VPS13A: variants seen among roughly 807,000 people sequenced by gnomAD.
VPS13A encodes vacuolar protein sorting 13 homolog A.
A neutral mutation model predicts 390.9 loss-of-function variants in VPS13A; 264 were observed. That is an observed-to-expected ratio of 0.68 (90% CI 0.61 to 0.75). VPS13A has a LOEUF of 0.75. Among genes scored for constraint, VPS13A ranks in the 30% least tolerant of loss-of-function variants. VPS13A has a pLI of 0.00. For missense variants in VPS13A, 3,409 were observed against 3,733.9 expected, an observed-to-expected ratio of 0.91 and a Z score of 2.27; for synonymous variants, 1,231 against 1,227.1, an observed-to-expected ratio of 1.00 and a Z score of -0.07.
At chr9:77,406,598 G>A (rs1229241160) in intron 70 of VPS13A, among the ~76,000 whole-genome samples, 1 of 151,888 alleles carries the variant, frequency 6.6e-6, no homozygotes, top group Non-Finnish European at 1.5e-5. Flanking sequence ...TGTATTTTTA[G>A]TACAGACGGT....
chr9:77,383,076 T>C (rs1466010621), intron 68 of VPS13A: 3 of 951,240 alleles, frequency 3.2e-6, no homozygotes, highest in Non-Finnish European at 2.5e-6. Flanking sequence ...ATATGAAGCT[T>C]CCTTTATGGC....
Position 77,358,392 on chromosome 9 carries a change from T to A in VPS13A, c.7989T>A (p.Phe2663Leu). The change falls in exon 57 of 72, where the codon TTT becomes TTA. Residue 2663 changes from phenylalanine (F) to leucine (L), a missense_variant. Phe to Leu is a conservative substitution (Grantham distance 22, BLOSUM62 0). Transcript: ENST00000360280. ...QNQIHGAVFP[F>L]VFYPVKPPKS... The stretch of plus-strand genomic sequence containing the variant: ...AGATACATGGTGCTGTATTTCCCTT[T>A]GTGTTTTATCCTGTTAAACCTCCAA... 3 of 1,613,750 alleles carry A rather than the reference T, an allele frequency of 1.9e-6. No homozygotes were observed. Among genetic ancestry groups the A allele is most frequent in the Non-Finnish European group, 2.5e-6 (3 of 1,179,970 alleles).
At chr9:77,275,269 T>G (rs1477553275) in intron 24 of VPS13A, among the ~76,000 whole-genome samples, 4 of 152,178 alleles carry the variant, frequency 2.6e-5, no homozygotes, top group Non-Finnish European at 4.4e-5. Context: ...GTTCCATGCT[T>G]CTTTATAACC....
Position 77,420,237 on chromosome 9 carries a change from CTT to C in VPS13A, c.*4234_*4235del, listed in dbSNP as rs1468356615. 2 of 152,174 alleles carry C rather than the reference CTT, an allele frequency of 1.3e-5. No individual in the cohort carries two copies. Among genetic ancestry groups the C allele is most frequent in the African/African-American group, 2.4e-5 (1 of 41,432 alleles). The allele number at this position is 152,174 out of a possible 1,614,324, so 9.4% of individuals were successfully genotyped here. A position where few individuals can be genotyped will look rare whatever the true frequency, so the allele number is the denominator to read the frequency against. ...TGGCCACTCTGGCTGTTACAGCAAA[CTT>C]TTCTCCCACTGTCATAATTGGTCTA... is the stretch of plus-strand genomic sequence containing the variant. On this transcript the variant is annotated 3_prime_UTR_variant, in exon 72 of 72. Transcript: ENST00000360280.
chr9:77,302,077 C>A (rs1178937115), intron 33 of VPS13A, among the ~76,000 whole-genome samples: 3 of 151,954 alleles, frequency 2.0e-5, no homozygotes, highest in Non-Finnish European at 4.4e-5. Context: ...TCTGCCTCAG[C>A]CTCTCAAGTA....
intron 17 of VPS13A, among the ~76,000 whole-genome samples, chr9:77,235,029 T>C (rs1261111500): frequency 6.6e-6 from 1 of 152,202 alleles, no homozygotes; most frequent in East Asian, 1.9e-4. Context: ...TTTATATTTG[T>C]TTTTATGTGT....
rs569581419 is a variant in VPS13A, at chr9:77,248,825, G to A, written c.2038-1272G>A. ...CAGCTCACTGCAACCTCTGCCTCCC[G>A]AGTTCAAGTGATTCTTCTGCCTCAG... is the stretch of plus-strand genomic sequence containing the variant. On this transcript the variant is annotated intron_variant, in intron 20 of 71. Coordinates refer to ENST00000360280, the MANE Select transcript of VPS13A (RefSeq NM_033305.3). Among the ~76,000 whole-genome samples, 8 of 152,122 alleles carry A rather than the reference G, an allele frequency of 5.3e-5. No homozygotes were observed. The South Asian group carries it at 8.3e-4, about 16-fold the overall frequency.
At chr9:77,187,792 T>C (rs1216964018) in intron 1 of VPS13A, among the ~76,000 whole-genome samples, 1 of 152,164 alleles carries the variant, frequency 6.6e-6, no homozygotes, top group African/African-American at 2.4e-5. Flanking sequence ...GGGTTTGATG[T>C]ATAAATTATT....
chr9:77,317,317 A>G (rs1829454981), intron 39 of VPS13A, among the ~76,000 whole-genome samples: 1 of 152,068 alleles, frequency 6.6e-6, no homozygotes, highest in Middle Eastern at 3.4e-3. Context: ...TGGCTTGAAT[A>G]TAGCTGTATG....
At position 77,281,611 on chromosome 9, in the gene VPS13A, A is replaced by G. The variant is rs187087480; in HGVS notation, c.2905-256A>G. ...ATAATATCCAACATTTCCTCTCTTA[A>G]TAATAAGAATGATAGTACGTAACAT... On this transcript the variant is annotated intron_variant, in intron 27 of 71. Transcript: ENST00000360280. 4.1e-3 allele frequency among the ~76,000 whole-genome samples: 619 copies of G among 152,176 alleles called. 4 individuals carry two copies. Among genetic ancestry groups the G allele is most frequent in the Non-Finnish European group, 7.3e-3 (496 of 67,960 alleles).
chr9:77,401,240 TC>T (rs1834378184), intron 68 of VPS13A, among the ~76,000 whole-genome samples: 1 of 152,096 alleles, frequency 6.6e-6, no homozygotes, highest in South Asian at 2.1e-4. Context: ...CACATATTTT[TC>T]CTAGCTACAT....
intron 1 of VPS13A, among the ~76,000 whole-genome samples, chr9:77,187,040 G>A (rs930514922): frequency 3.3e-5 from 5 of 152,208 alleles, no homozygotes; most frequent in Admixed American, 1.3e-4. Context: ...GTGCATCCGT[G>A]TTGTAGGAAA....
intron 54 of VPS13A, among the ~76,000 whole-genome samples, chr9:77,356,189 T>A (rs1563954197): frequency 6.6e-6 from 1 of 152,200 alleles, no homozygotes; most frequent in Non-Finnish European, 1.5e-5. Context: ...ATACTGCAAG[T>A]GTGCCTCCTG....
chr9:77,325,975 G>T (rs891411057), intron 45 of VPS13A, among the ~76,000 whole-genome samples: 53 of 150,344 alleles, frequency 3.5e-4, no homozygotes, highest in African/African-American at 1.2e-3. Context: ...TGCTGGTGAT[G>T]AATTCTTTCA....
At position 77,214,949 on chromosome 9, in the gene VPS13A, A is replaced by G. The variant is rs1183226164; in HGVS notation, c.754+563A>G. ...TGGCTAATCTCTTTCGTATTTTAGT[A>G]GAGACGGGGTTTCACCATGTTGCCC... is the stretch of plus-strand genomic sequence containing the variant. On this transcript the variant is annotated intron_variant, in intron 10 of 71. Coordinates refer to ENST00000360280, the MANE Select transcript of VPS13A (RefSeq NM_033305.3). Among the ~76,000 whole-genome samples the G allele has an allele frequency of 3.3e-5, 5 of 152,306 alleles. 1 individual carries two copies. The highest frequency in any genetic ancestry group is 3.3e-4 in the Admixed American group (5 of 15,298).
intron 24 of VPS13A, among the ~76,000 whole-genome samples, chr9:77,275,094 G>C (rs146763789): frequency 7.9e-4 from 120 of 152,148 alleles, no homozygotes; most frequent in African/African-American, 2.7e-3. Flanking sequence ...TTATACCTAA[G>C]TCCTGTTACA....
At chr9:77,384,457 C>T in intron 68 of VPS13A, 1 of 1,318,712 alleles carries the variant, frequency 7.6e-7, no homozygotes, top group Non-Finnish European at 1.1e-6. Flanking sequence ...CAGTCTGAGT[C>T]ATAGCTGAAA....
At chr9:77,277,941 A>G (rs1201246209) in intron 26 of VPS13A, among the ~76,000 whole-genome samples, 1 of 152,260 alleles carries the variant, frequency 6.6e-6, no homozygotes, top group African/African-American at 2.4e-5. Flanking sequence ...ACCAAGGAAC[A>G]TGATTGCTAA....
In VPS13A at chr9:77,295,862, G is replaced by A. The variant is rs779146037; in HGVS notation, c.3812+16G>A. 1 of 1,611,418 alleles carries A rather than the reference G, an allele frequency of 6.2e-7. No individual in the cohort carries two copies. The highest frequency in any genetic ancestry group is 1.1e-5 in the South Asian group (1 of 90,976). On this transcript the variant is annotated intron_variant, in intron 33 of 71. Transcript: ENST00000360280. ...GACTATACAGGTAAGCTTTTCACAA[G>A]TATATTTGTGTGGAATGCAATATTT...
Sources: gnomAD v4.1 joint callset for allele counts (sites outside exome capture counted in the v4.1 genomes callset) on GRCh38, gnomAD v4.1.1 for gene constraint, MANE v1.5 for transcripts, NCBI Gene and HGNC (gene_info 2026-07-23, HGNC 2026-07-21) for gene names.